DOCK3: variants seen among roughly 807,000 people sequenced by gnomAD.
The protein encoded by DOCK3 is dedicator of cytokinesis protein 3.
Under a neutral mutation model 265.6 loss-of-function variants are expected in DOCK3, and 60 were observed. That is an observed-to-expected ratio of 0.23 (90% confidence interval 0.18 to 0.28). DOCK3 has a LOEUF of 0.28. Among genes scored for constraint, DOCK3 ranks in the 10% least tolerant of loss-of-function variants. The pLI, the probability that DOCK3 is intolerant of heterozygous loss-of-function variation, is 1.00. For missense variants in DOCK3, 1,981 were observed against 2,594.3 expected, an observed-to-expected ratio of 0.76 and a Z score of 5.14; for synonymous variants, 881 against 938.0, an observed-to-expected ratio of 0.94 and a Z score of 1.11.
intron 24 of DOCK3, among the ~76,000 whole-genome samples, chr3:51,274,476 A>C (rs1662184469): frequency 6.6e-6 from 1 of 152,188 alleles, no homozygotes. Flanking sequence ...GAGTCTAATC[A>C]TTAAAGAGAT....
At chr3:50,883,539 C>G (rs1348596784) in intron 3 of DOCK3, among the ~76,000 whole-genome samples, 1 of 151,872 alleles carries the variant, frequency 6.6e-6, no homozygotes, top group South Asian at 2.1e-4. Context: ...CTGTTGATGA[C>G]AAATTCTTTT....
intron 3 of DOCK3, among the ~76,000 whole-genome samples, chr3:50,889,153 G>A (rs2048514294): frequency 6.6e-6 from 1 of 150,686 alleles, no homozygotes; most frequent in Non-Finnish European, 1.5e-5. Context: ...CTGGAGTATA[G>A]TGGTGCTATC....
intron 22 of DOCK3, among the ~76,000 whole-genome samples, chr3:51,248,968 A>G (rs1164649626): frequency 2.9e-5 from 3 of 103,492 alleles, no homozygotes; most frequent in Non-Finnish European, 4.0e-5. Flanking sequence ...AGCCGCCCCT[A>G]TGAGAAGTGA....
intron 12 of DOCK3, among the ~76,000 whole-genome samples, chr3:51,184,648 G>A (rs1170933379): frequency 6.6e-6 from 1 of 151,912 alleles, no homozygotes; most frequent in South Asian, 2.1e-4. Flanking sequence ...TGAGGGAGAA[G>A]AAACAAATCT....
At chr3:51,171,474 T>C (rs1048509830) in intron 12 of DOCK3, among the ~76,000 whole-genome samples, 8 of 152,082 alleles carry the variant, frequency 5.3e-5, no homozygotes, top group Middle Eastern at 3.2e-3. Context: ...CTCAGCACTT[T>C]GGGAGGCCAA....
At chr3:51,213,201 G>A (rs1032916453) in intron 13 of DOCK3, among the ~76,000 whole-genome samples, 6 of 151,876 alleles carry the variant, frequency 4.0e-5, no homozygotes, top group African/African-American at 1.2e-4. Flanking sequence ...TAATTGTTCA[G>A]CTGCATTTAA....
At chr3:51,178,028 T>A (rs368738029) in intron 12 of DOCK3, among the ~76,000 whole-genome samples, 27 of 138,022 alleles carry the variant, frequency 2.0e-4, no homozygotes, top group South Asian at 4.6e-4. Flanking sequence ...CTCAAAATAG[T>A]AAAAAAAAAA....
chr3:51,351,251 T>C (rs1024746562), intron 40 of DOCK3, among the ~76,000 whole-genome samples: 3 of 152,156 alleles, frequency 2.0e-5, no homozygotes, highest in Admixed American at 2.0e-4. Flanking sequence ...CCAGTTCCAA[T>C]ATCTTTAACT....
At chr3:51,074,332 T>C (rs2081982414) in intron 6 of DOCK3, among the ~76,000 whole-genome samples, 1 of 152,138 alleles carries the variant, frequency 6.6e-6, no homozygotes, top group African/African-American at 2.4e-5. Flanking sequence ...GCTGTTGTCT[T>C]AGAGTGCAAG....
In DOCK3 at chr3:51,030,728, A is replaced by G. The variant is rs1309934685; in HGVS notation, c.316-33720A>G. Among the ~76,000 whole-genome samples the G allele has an allele frequency of 3.9e-5, 6 of 152,356 alleles. No homozygotes were observed. The East Asian group carries it at 1.2e-3, about 29-fold the overall frequency. On this transcript the variant is annotated intron_variant, in intron 5 of 52. Transcript: ENST00000266037. ...ATCTCCAAGAGCATAGAGCACACCT[A>G]AATAGGCTTCTGTTTTCTTTTAAAT...
At chr3:51,365,830 A>G (rs1209505384) in intron 49 of DOCK3, among the ~76,000 whole-genome samples, 1 of 152,214 alleles carries the variant, frequency 6.6e-6, no homozygotes, top group East Asian at 1.9e-4. Flanking sequence ...CATCCCAGGG[A>G]TGAAGCTCCC....
At chr3:50,990,633 C>T (rs1355443709) in intron 5 of DOCK3, among the ~76,000 whole-genome samples, 1 of 152,172 alleles carries the variant, frequency 6.6e-6, no homozygotes, top group Non-Finnish European at 1.5e-5. Context: ...AGTATTAACT[C>T]ACATGATCAC....
At position 51,082,088 on chromosome 3, in the gene DOCK3, G is replaced by A. The variant is rs577240545; in HGVS notation, c.549+6648G>A. On this transcript the variant is annotated intron_variant, in intron 7 of 52. Transcript: ENST00000266037. Reference sequence around the variant, plus strand: ...TTCAGAGTCATGGAAGGAGAGGGAAGCAAAGCAGCCAGCCCACCCAGGATA... The same window carrying A: ...TTCAGAGTCATGGAAGGAGAGGGAAACAAAGCAGCCAGCCCACCCAGGATA... Among the ~76,000 whole-genome samples, 5 of 152,002 alleles carry A rather than the reference G, an allele frequency of 3.3e-5. No homozygotes were observed. In the South Asian group the frequency reaches 1.0e-3, roughly 32 times the overall value.
chr3:50,744,706 G>T (rs1011328633), intron 1 of DOCK3, among the ~76,000 whole-genome samples: 2 of 152,106 alleles, frequency 1.3e-5, no homozygotes, highest in African/African-American at 4.8e-5. Context: ...AAGTGTTGGG[G>T]TTACAGGCGT....
In DOCK3 at chr3:51,310,242, T is replaced by A; in HGVS notation, c.2933T>A (p.Leu978Gln). ...TTCCTCTGCTGTCAGGAATTTCTGCTGAAGATTTTTTGCGTGTTCCGGAAC... is the reference window on the plus strand; with the variant it reads ...TTCCTCTGCTGTCAGGAATTTCTGCAGAAGATTTTTTGCGTGTTCCGGAAC... ...QSKDELKEFL[L>Q]KIFCVFRNLM... Residue 978 changes from leucine (L) to glutamine (Q), a missense_variant, in exon 28 of 53, where the codon CTG becomes CAG. Leu to Gln is a moderately radical substitution (Grantham distance 113). This residue lies in a region of DOCK3 where 1,357 missense variants were observed against 1,866.8 expected (regional missense o/e 0.73). Coordinates refer to ENST00000266037, the MANE Select transcript of DOCK3 (RefSeq NM_004947.5). 1 of 1,600,502 alleles carries A rather than the reference T, an allele frequency of 6.2e-7. No individual in the cohort carries two copies. The highest frequency in any genetic ancestry group is 8.5e-7 in the Non-Finnish European group (1 of 1,173,230).
intron 9 of DOCK3, among the ~76,000 whole-genome samples, chr3:51,124,948 G>T (rs1319243718): frequency 7.1e-6 from 1 of 141,348 alleles, no homozygotes; most frequent in Non-Finnish European, 1.5e-5. Context: ...TGGCCAACAT[G>T]GTGAAACCCT....
chr3:50,898,347 G>C (rs1553694071), intron 4 of DOCK3, among the ~76,000 whole-genome samples: 2,727 of 151,942 alleles, frequency 0.018, 42 homozygotes, highest in Non-Finnish European at 0.026. Flanking sequence ...CACTTTATTG[G>C]GTCTATTGGA....
At chr3:50,796,315 G>C (rs934304788) in intron 2 of DOCK3, among the ~76,000 whole-genome samples, 2 of 151,806 alleles carry the variant, frequency 1.3e-5, no homozygotes, top group African/African-American at 4.8e-5. Context: ...ACAGGCGTGA[G>C]CCACCATGCC....
At chr3:50,947,193 A>G (rs2076450831) in intron 5 of DOCK3, among the ~76,000 whole-genome samples, 1 of 152,082 alleles carries the variant, frequency 6.6e-6, no homozygotes, top group Non-Finnish European at 1.5e-5. Context: ...ATTTATATAA[A>G]TATATGTTTT....
Sources: gnomAD v4.1 joint callset for allele counts (sites outside exome capture counted in the v4.1 genomes callset) on GRCh38, gnomAD v4.1.1 for gene constraint, gnomAD v4.1.1 regional missense constraint, MANE v1.5 for transcripts, NCBI Gene and HGNC (gene_info 2026-07-23, HGNC 2026-07-21) for gene names.